TNFAIP8: variants seen among roughly 807,000 people sequenced by gnomAD.
TNFAIP8 encodes the protein TNF alpha induced protein 8.
A neutral mutation model predicts 13.3 loss-of-function variants in TNFAIP8; 7 were observed. The observed-to-expected ratio is 0.52, with a 90% confidence interval of 0.30 to 0.99. The LOEUF is 0.99. Ranked by LOEUF, TNFAIP8 falls within the 50% of genes least tolerant of loss-of-function variation. TNFAIP8 has a pLI of 0.07. For missense variants in TNFAIP8, 258 were observed against 236.9 expected (o/e 1.09, Z -0.58); for synonymous variants, 94 against 87.6 (o/e 1.07, Z -0.41).
chr5:119,314,199 A>C (rs1007201177), intron 1 of TNFAIP8, among the ~76,000 whole-genome samples: 2 of 151,824 alleles, frequency 1.3e-5, no homozygotes, highest in African/African-American at 4.8e-5. Context: ...ACAAACAAAC[A>C]AACAAAAAAA....
intron 1 of TNFAIP8, among the ~76,000 whole-genome samples, chr5:119,273,060 C>G (rs1264900575): frequency 6.6e-6 from 1 of 152,228 alleles, no homozygotes; most frequent in Non-Finnish European, 1.5e-5. Flanking sequence ...TGACTTTAGT[C>G]AAGAAGTAGT....
At chr5:119,347,253 A>T (rs1004277165) in intron 1 of TNFAIP8, among the ~76,000 whole-genome samples, 1 of 152,210 alleles carries the variant, frequency 6.6e-6, no homozygotes. Flanking sequence ...GCTCCTTCTC[A>T]TGCTTACTCT....
chr5:119,298,918 A>T (rs1269011921), intron 1 of TNFAIP8, among the ~76,000 whole-genome samples: 1 of 152,128 alleles, frequency 6.6e-6, no homozygotes, highest in Non-Finnish European at 1.5e-5. Flanking sequence ...AGGCTTCTGC[A>T]TTCTTCATGT....
At chr5:119,389,415 G>A (rs1359769335) in intron 1 of TNFAIP8, among the ~76,000 whole-genome samples, 1 of 152,184 alleles carries the variant, frequency 6.6e-6, no homozygotes, top group African/African-American at 2.4e-5. Flanking sequence ...TCACACAGGG[G>A]TGAGGATAGA....
chr5:119,321,501 G>A (rs1284427091), intron 1 of TNFAIP8, among the ~76,000 whole-genome samples: 1 of 152,074 alleles, frequency 6.6e-6, no homozygotes, highest in Non-Finnish European at 1.5e-5. Context: ...CTAGAAATAG[G>A]CATCTTGATT....
Position 119,394,611 on chromosome 5 carries a change from A to ATTTTTTTTTTTTTTTTTTTTGTTTTTTT in TNFAIP8, c.*1249_*1250insTGTTTTTTTTTTTTTTTTTTTTTTTTTT, listed in dbSNP as rs397963876. On this transcript the variant is annotated 3_prime_UTR_variant, in exon 2 of 2. Transcript: ENST00000504771. ...CATTTCCATTGTCACTGTGTCTATGATTTTTTTTTTTTTTTTTTTGAGTCT... is the reference window on the plus strand; with the variant it reads ...CATTTCCATTGTCACTGTGTCTATGATTTTTTTTTTTTTTTTTTTTGTTTTTTTTTTTTTTTTTTTTTTTTTTGAGTCT... 1 of 114,710 alleles carries ATTTTTTTTTTTTTTTTTTTTGTTTTTTT rather than the reference A, an allele frequency of 8.7e-6. No individual in the cohort carries two copies. The highest frequency in any genetic ancestry group is 4.0e-5 in the African/African-American group (1 of 24,756). The allele number at this position is 114,710 out of a possible 1,614,324, so 7.1% of individuals were successfully genotyped here. A position where few individuals can be genotyped will look rare whatever the true frequency, so the allele number is the denominator to read the frequency against.
intron 1 of TNFAIP8, among the ~76,000 whole-genome samples, chr5:119,286,947 C>G (rs1371523278): frequency 6.6e-6 from 1 of 152,332 alleles, no homozygotes; most frequent in East Asian, 1.9e-4. Flanking sequence ...TACTCCTCCT[C>G]TGAGTGTCTC....
chr5:119,333,530 T>G (rs1355209626), intron 1 of TNFAIP8: 2 of 1,534,572 alleles, frequency 1.3e-6, no homozygotes, highest in South Asian at 2.4e-5. Flanking sequence ...AGTGTACACG[T>G]CAACAGGGTG....
intron 1 of TNFAIP8, among the ~76,000 whole-genome samples, chr5:119,313,566 A>G (rs1561996380): frequency 6.6e-6 from 1 of 152,220 alleles, no homozygotes; most frequent in Non-Finnish European, 1.5e-5. Flanking sequence ...GAAGATATGC[A>G]TTTGCTAAAG....
chr5:119,336,455 G>A (rs1218136830), intron 1 of TNFAIP8, among the ~76,000 whole-genome samples: 1 of 152,174 alleles, frequency 6.6e-6, no homozygotes, highest in Non-Finnish European at 1.5e-5. Flanking sequence ...GTTCATCTTA[G>A]ATATTCCCCT....
intron 1 of TNFAIP8, among the ~76,000 whole-genome samples, chr5:119,369,193 A>G (rs1053253858): frequency 1.3e-5 from 2 of 151,238 alleles, no homozygotes; most frequent in African/African-American, 4.9e-5. Context: ...AGGTGGGATT[A>G]TGGGCACCCA....
chr5:119,372,136 C>CAA (rs762344189), intron 1 of TNFAIP8, among the ~76,000 whole-genome samples: 2 of 126,332 alleles, frequency 1.6e-5, no homozygotes, highest in African/African-American at 2.9e-5. Flanking sequence ...GACTCCATCT[C>CAA]AAAAAAAAAA....
In TNFAIP8 at chr5:119,281,287, T is replaced by TACACACACACACACACACACACACACAC. The variant is rs1554167569; in HGVS notation, c.1+12400_1+12401insACACACACACACACACACACACACACAC. Among the ~76,000 whole-genome samples the TACACACACACACACACACACACACACAC allele has an allele frequency of 3.0e-4, 34 of 112,396 alleles. 2 individuals carry two copies. The highest frequency in any genetic ancestry group is 1.4e-3 in the East Asian group (4 of 2,808). The allele number at this position is 112,396 out of a possible 152,430, so 73.7% of individuals were successfully genotyped here. On this transcript the variant is annotated intron_variant, in intron 1 of 1. Transcript: ENST00000274456. ...GTCAGAGCTGGGAAACACACACACA[T>TACACACACACACACACACACACACACAC]ACACACACACACACACACACTCTCT... is the stretch of plus-strand genomic sequence containing the variant.
chr5:119,303,221 G>A (rs1749449327), intron 1 of TNFAIP8, among the ~76,000 whole-genome samples: 4 of 152,182 alleles, frequency 2.6e-5, no homozygotes, highest in Admixed American at 6.5e-5. Context: ...ACCCATGCCA[G>A]TGAGGTCATG....
intron 1 of TNFAIP8, among the ~76,000 whole-genome samples, chr5:119,312,745 C>CAAAAAAAAAAA (rs869226026): frequency 1.4e-3 from 59 of 43,176 alleles, no homozygotes; most frequent in East Asian, 4.4e-3. Context: ...GCAAAAAATA[C>CAAAAAAAAAAA]AAAAAAAAAA....
chr5:119,331,657 G>A (rs567306054), intron 1 of TNFAIP8, among the ~76,000 whole-genome samples: 1 of 152,324 alleles, frequency 6.6e-6, no homozygotes, highest in Admixed American at 6.5e-5. Flanking sequence ...ATGTGTAAGG[G>A]CCCTGATGCC....
chr5:119,398,611 C>G lies in TNFAIP8; in HGVS notation c.*5230C>G, dbSNP rs1314593150. On this transcript the variant is annotated 3_prime_UTR_variant, in exon 2 of 2. Transcript: ENST00000504771. ...AGGAGAACCACTTGAACCCAGGAGG[C>G]AGAGGTTGCAGTGAGCCAAGATTAC... 1.3e-5 allele frequency: 2 copies of G among 151,416 alleles called. No individual in the cohort carries two copies. The highest frequency in any genetic ancestry group is 2.9e-5 in the Non-Finnish European group (2 of 67,994). 9.4% of individuals were successfully genotyped at this position (151,416 alleles called of 1,614,324 possible).
intron 1 of TNFAIP8, among the ~76,000 whole-genome samples, chr5:119,361,503 C>T (rs1255565266): frequency 6.6e-6 from 1 of 152,102 alleles, no homozygotes; most frequent in Non-Finnish European, 1.5e-5. Flanking sequence ...CATTCTCCAG[C>T]TTTGTAGTGA....
intron 1 of TNFAIP8, chr5:119,306,314 C>CTTTTTTT (rs1324521590): frequency 7.4e-6 from 1 of 135,932 alleles, no homozygotes; most frequent in African/African-American, 3.4e-5. Flanking sequence ...TTCTTTCTTT[C>CTTTTTTT]TTTCTTTTTC....
Sources: gnomAD v4.1 joint callset for allele counts (sites outside exome capture counted in the v4.1 genomes callset) on GRCh38, gnomAD v4.1.1 for gene constraint, MANE v1.5 for transcripts, NCBI Gene and HGNC (gene_info 2026-07-23, HGNC 2026-07-21) for gene names.